The following ASTN1 variants were observed in gnomAD, a reference collection of about 807,000 sequenced individuals.
ASTN1 encodes astrotactin 1.
Under a neutral mutation model 140.7 loss-of-function variants are expected in ASTN1, and 41 were observed. The ratio of observed to expected loss-of-function variants is 0.29; its 90% confidence interval spans 0.23 to 0.38. ASTN1 has a LOEUF of 0.38. Among genes scored for constraint, ASTN1 ranks in the 10% least tolerant of loss-of-function variants. ASTN1 has a pLI of 1.00. For missense variants in ASTN1, 1,479 were observed against 1,678.8 expected (o/e 0.88, Z 2.08); for synonymous variants, 640 against 652.2 (o/e 0.98, Z 0.29).
chr1:176,949,751 C>T (rs1159017350), intron 11 of ASTN1, among the ~76,000 whole-genome samples: 1 of 152,184 alleles, frequency 6.6e-6, no homozygotes, highest in East Asian at 1.9e-4. Context: ...TGCTCTTTGG[C>T]CTTGGTGGTA....
Position 176,907,465 on chromosome 1 carries a change from C to T in ASTN1, c.2672-12635G>A, listed in dbSNP as rs535682014. Among the ~76,000 whole-genome samples the T allele has an allele frequency of 2.0e-3, 303 of 152,312 alleles. 2 individuals are homozygous for T. Among genetic ancestry groups the T allele is most frequent in the Non-Finnish European group, 3.5e-3 (237 of 68,028 alleles). On this transcript the variant is annotated intron_variant, in intron 16 of 22. Transcript: ENST00000361833. Reference sequence around the variant, plus strand: ...AGTGGCCTGATTTGAAAACTACTGACGTTCGTCTGAACTGTCCTACAAGTA... The same window carrying T: ...AGTGGCCTGATTTGAAAACTACTGATGTTCGTCTGAACTGTCCTACAAGTA...
chr1:176,917,339 G>C (rs535910387), intron 16 of ASTN1, among the ~76,000 whole-genome samples: 27 of 152,188 alleles, frequency 1.8e-4, no homozygotes, highest in Non-Finnish European at 3.5e-4. Flanking sequence ...CCCAGGGTGG[G>C]GTGGCACGGT....
At chr1:176,907,809 T>C (rs1369535638) in intron 16 of ASTN1, among the ~76,000 whole-genome samples, 4 of 152,192 alleles carry the variant, frequency 2.6e-5, no homozygotes, top group Non-Finnish European at 4.4e-5. Flanking sequence ...GAAAGGCATG[T>C]ATGAGTTAAG....
intron 8 of ASTN1, among the ~76,000 whole-genome samples, chr1:176,967,121 C>T (rs1034114748): frequency 2.0e-5 from 3 of 152,130 alleles, no homozygotes; most frequent in African/African-American, 7.2e-5. Context: ...TTTAAGCTTA[C>T]TATTCATAAA....
In ASTN1 at chr1:177,099,942, G is replaced by T. The variant is rs141721593; in HGVS notation, c.284-38677C>A. On this transcript the variant is annotated intron_variant, in intron 1 of 22. Transcript: ENST00000361833. ...AAACCGCTAAAAATTCAAAGCAAAA[G>T]ATTTTTAAAGCTGGATGGGCTCTTA... 4.1e-4 allele frequency among the ~76,000 whole-genome samples: 63 copies of T among 152,250 alleles called. 1 individual carries two copies. The highest frequency in any genetic ancestry group is 1.5e-3 in the African/African-American group (61 of 41,550).
At chr1:177,100,760 C>T (rs1680261126) in intron 1 of ASTN1, among the ~76,000 whole-genome samples, 1 of 152,124 alleles carries the variant, frequency 6.6e-6, no homozygotes, top group Admixed American at 6.6e-5. Flanking sequence ...TTTCAGGATC[C>T]TTTCACAATA....
chr1:177,087,020 T>A (rs992468846), intron 1 of ASTN1, among the ~76,000 whole-genome samples: 16 of 152,198 alleles, frequency 1.1e-4, no homozygotes, highest in African/African-American at 3.6e-4. Context: ...ACTTTTTTTT[T>A]AGAATTTTTT....
chr1:177,025,834 G>A (rs1293593135), intron 5 of ASTN1, among the ~76,000 whole-genome samples: 1 of 152,162 alleles, frequency 6.6e-6, no homozygotes, highest in African/African-American at 2.4e-5. Flanking sequence ...TGTGTGTCAG[G>A]CTCCAGTGCT....
chr1:176,864,105 T>C lies in ASTN1; in HGVS notation c.*179A>G, dbSNP rs1668052875. ...CTGGCAGATTTCCCAATCATGCAGATGGAGAACATCATACTGAAGAAGTTC... is the reference window on the plus strand; with the variant it reads ...CTGGCAGATTTCCCAATCATGCAGACGGAGAACATCATACTGAAGAAGTTC... On this transcript the variant is annotated 3_prime_UTR_variant, in exon 23 of 23. Coordinates refer to ENST00000361833, the MANE Select transcript of ASTN1 (RefSeq NM_004319.3). 1 of 1,434,804 alleles carries C rather than the reference T, an allele frequency of 7.0e-7. No individual in the cohort carries two copies. The highest frequency in any genetic ancestry group is 9.1e-7 in the Non-Finnish European group (1 of 1,097,478). The allele number at this position is 1,434,804 out of a possible 1,614,324, so 88.9% of individuals were successfully genotyped here.
Position 177,030,876 on chromosome 1 carries a change from G to A in ASTN1, c.942C>T (p.Asn314=). ...GAGAGAGAAGGGTGGCTTGCTGGTG[G>A]TTGGAGTCCACAGGGCTAGTGGCTA... ...NIIATSPVDS[N]HQQATLLSHT... is the part of the protein sequence containing the mutation. Residue 314 remains asparagine (N), a synonymous_variant, in exon 4 of 23, where the codon AAC becomes AAT. Coordinates refer to ENST00000361833, the MANE Select transcript of ASTN1 (RefSeq NM_004319.3). 6.2e-7 allele frequency: 1 copy of A among 1,614,188 alleles called. No individual in the cohort carries two copies. Among genetic ancestry groups the A allele is most frequent in the South Asian group, 1.1e-5 (1 of 91,086 alleles).
chr1:177,112,649 C>CT (rs1201408411), intron 1 of ASTN1, among the ~76,000 whole-genome samples: 1 of 152,206 alleles, frequency 6.6e-6, no homozygotes, highest in Non-Finnish European at 1.5e-5. Flanking sequence ...TCTCACATCC[C>CT]TAATGCCTTT....
At chr1:176,992,378 G>A (rs1457534578) in intron 8 of ASTN1, among the ~76,000 whole-genome samples, 2 of 151,476 alleles carry the variant, frequency 1.3e-5, no homozygotes, top group African/African-American at 2.4e-5. Flanking sequence ...AGCGAATATT[G>A]AAGTGACCTT....
At chr1:177,085,177 T>C (rs913733805) in intron 1 of ASTN1, among the ~76,000 whole-genome samples, 4 of 152,236 alleles carry the variant, frequency 2.6e-5, no homozygotes, top group Non-Finnish European at 5.9e-5. Context: ...ATGACATTTG[T>C]TCCGAATTCA....
intron 14 of ASTN1, among the ~76,000 whole-genome samples, chr1:176,938,414 A>G (rs1671541276): frequency 6.6e-6 from 1 of 152,246 alleles, no homozygotes; most frequent in African/African-American, 2.4e-5. Context: ...AATTTTTCAA[A>G]TTATTAGGCA....
rs535135521 is a variant in ASTN1 at position 176,968,125 on chromosome 1, C to A, written c.1524-2888G>T. Among the ~76,000 whole-genome samples the A allele has an allele frequency of 6.6e-5, 10 of 152,328 alleles. No individual in the cohort carries two copies. In the South Asian group the frequency reaches 2.1e-3, roughly 32 times the overall value. On this transcript the variant is annotated intron_variant, in intron 8 of 22. Coordinates refer to ENST00000361833, the MANE Select transcript of ASTN1 (RefSeq NM_004319.3). ...AAGTTCCTTCATCATTCTGTAACCC[C>A]ATATCCTCATCTGTAAAATGAGGCA... is the stretch of plus-strand genomic sequence containing the variant.
At chr1:176,874,753 A>G (rs1312214806) in intron 21 of ASTN1, among the ~76,000 whole-genome samples, 1 of 152,132 alleles carries the variant, frequency 6.6e-6, no homozygotes, top group Non-Finnish European at 1.5e-5. Flanking sequence ...AAATTAATTA[A>G]GTCATTCAAT....
intron 22 of ASTN1, among the ~76,000 whole-genome samples, chr1:176,866,802 G>T (rs1177022604): frequency 6.6e-6 from 1 of 152,182 alleles, no homozygotes. Context: ...AAATTGGGTT[G>T]TGGTGAACTG....
Position 177,132,801 on chromosome 1 carries a change from G to A in ASTN1, c.283+31593C>T, listed in dbSNP as rs531185094. Among the ~76,000 whole-genome samples, 4 of 152,316 alleles carry A rather than the reference G, an allele frequency of 2.6e-5. No homozygotes were observed. The South Asian group carries it at 8.3e-4, about 32-fold the overall frequency. On this transcript the variant is annotated intron_variant, in intron 1 of 22. Transcript: ENST00000361833. Reference sequence around the variant, plus strand: ...GCAGGTCTAAACTGCTATGATGCCAGTAAAGCTGTTCACTGAAGACCTGAA... The same window carrying A: ...GCAGGTCTAAACTGCTATGATGCCAATAAAGCTGTTCACTGAAGACCTGAA...
chr1:176,879,055 G>A (rs898830750), intron 20 of ASTN1, among the ~76,000 whole-genome samples: 10 of 152,176 alleles, frequency 6.6e-5, no homozygotes, highest in African/African-American at 2.4e-4. Flanking sequence ...TCAGTGTCAG[G>A]AGATAGGAAG....
Sources: gnomAD v4.1 joint callset for allele counts (sites outside exome capture counted in the v4.1 genomes callset) on GRCh38, gnomAD v4.1.1 for gene constraint, MANE v1.5 for transcripts, NCBI Gene and HGNC (gene_info 2026-07-23, HGNC 2026-07-21) for gene names.